PGR: variants seen among roughly 807,000 people sequenced by gnomAD.
PGR encodes the protein nuclear receptor subfamily 3 group C member 3.
Under a neutral mutation model 76.1 loss-of-function variants are expected in PGR, and 25 were observed. The ratio of observed to expected loss-of-function variants is 0.33; its 90% CI spans 0.24 to 0.46. The LOEUF is 0.46. Ranked by LOEUF, PGR falls within the 20% of genes least tolerant of loss-of-function variation. The pLI is 1.00. For synonymous variants in PGR, 579 were observed against 535.0 expected (o/e 1.08, Z -1.14); for missense variants, 1,172 against 1,225.3 (o/e 0.96, Z 0.65).
intron 3 of PGR, among the ~76,000 whole-genome samples, chr11:101,081,419 G>T (rs1861303723): frequency 6.7e-6 from 1 of 148,550 alleles, no homozygotes; most frequent in African/African-American, 2.5e-5. Context: ...ACACAGTAAG[G>T]CTCCATCTCA....
chr11:101,122,902 C>T (rs1428468403), intron 2 of PGR, among the ~76,000 whole-genome samples: 1 of 152,182 alleles, frequency 6.6e-6, no homozygotes, highest in African/African-American at 2.4e-5. Context: ...TTATATCACA[C>T]ACTTCTCATT....
intron 2 of PGR, among the ~76,000 whole-genome samples, chr11:101,104,915 A>C (rs11571166): frequency 0.015 from 2,317 of 152,314 alleles, 30 homozygotes; most frequent in Non-Finnish European, 0.025. Context: ...GGAATGTGTT[A>C]AGTGAGACAC....
intron 2 of PGR, among the ~76,000 whole-genome samples, chr11:101,105,543 G>A (rs1355216564): frequency 8.0e-5 from 12 of 149,122 alleles, no homozygotes; most frequent in Non-Finnish European, 1.8e-4. Context: ...CCTTTTCAAG[G>A]AGAACTACAA....
At chr11:101,090,428 G>A (rs952783763) in intron 3 of PGR, among the ~76,000 whole-genome samples, 2 of 152,338 alleles carry the variant, frequency 1.3e-5, no homozygotes, top group South Asian at 4.1e-4. Flanking sequence ...AGGCAAGCAT[G>A]CCAAGGAGAA....
chr11:101,047,404 ACT>A (rs1221609045), intron 6 of PGR, among the ~76,000 whole-genome samples: 2 of 151,842 alleles, frequency 1.3e-5, no homozygotes, highest in African/African-American at 2.4e-5. Context: ...ATTCCAGTTG[ACT>A]CTCTGGGCCG....
At position 101,036,408 on chromosome 11, in the gene PGR, C is replaced by A. The variant is rs1859517682; in HGVS notation, c.*2708G>T. ...CAAACCTTTTTACAGAAAATATTTT[C>A]ATTAACTCAAGAATCTATTTCAGTA... is the stretch of plus-strand genomic sequence containing the variant. On this transcript the variant is annotated 3_prime_UTR_variant, in exon 8 of 8. Coordinates refer to ENST00000325455, the MANE Select transcript of PGR (RefSeq NM_000926.4). 4.9e-6 allele frequency: 1 copy of A among 203,092 alleles called. No homozygotes were observed. Among genetic ancestry groups the A allele is most frequent in the Non-Finnish European group, 1.0e-5 (1 of 99,014 alleles). 12.6% of individuals were successfully genotyped at this position (203,092 alleles called of 1,614,324 possible).
chr11:101,089,842 G>T (rs1028201794), intron 3 of PGR, among the ~76,000 whole-genome samples: 1 of 151,696 alleles, frequency 6.6e-6, no homozygotes, highest in Non-Finnish European at 1.5e-5. Context: ...GGAAGCATAG[G>T]AATAACAGGC....
At chr11:101,117,615 T>TA (rs573963467) in intron 2 of PGR, among the ~76,000 whole-genome samples, 11 of 149,914 alleles carry the variant, frequency 7.3e-5, no homozygotes, top group South Asian at 4.2e-4. Context: ...TTTCTTCAAA[T>TA]AAAAAAAAAA....
intron 3 of PGR, among the ~76,000 whole-genome samples, chr11:101,081,533 A>G (rs1315356864): frequency 6.6e-6 from 1 of 152,206 alleles, no homozygotes; most frequent in Non-Finnish European, 1.5e-5. Context: ...TCACATAAAA[A>G]GGGAACTCTA....
chr11:101,057,326 A>T, intron 4 of PGR, among the ~76,000 whole-genome samples: 1 of 152,156 alleles, frequency 6.6e-6, no homozygotes, highest in East Asian at 1.9e-4. Context: ...TATGGGCAAG[A>T]GAAGAAGGCT....
At chr11:101,044,308 A>G (rs759444902) in intron 6 of PGR, among the ~76,000 whole-genome samples, 11 of 152,114 alleles carry the variant, frequency 7.2e-5, no homozygotes, top group Non-Finnish European at 1.2e-4. Context: ...GCTAGCTTCA[A>G]ACTTTTTTCT....
chr11:101,064,213 C>T (rs994299542), intron 3 of PGR, among the ~76,000 whole-genome samples: 2 of 151,120 alleles, frequency 1.3e-5, no homozygotes, highest in African/African-American at 4.9e-5. Context: ...CACCTGTAAT[C>T]CCAGTTACTC....
At chr11:101,095,496 G>A (rs1457603260) in intron 2 of PGR, among the ~76,000 whole-genome samples, 1 of 152,200 alleles carries the variant, frequency 6.6e-6, no homozygotes, top group African/African-American at 2.4e-5. Flanking sequence ...GCAACCTTTG[G>A]AGGTATTAAT....
At chr11:101,088,843 T>A (rs970972135) in intron 3 of PGR, among the ~76,000 whole-genome samples, 3 of 152,200 alleles carry the variant, frequency 2.0e-5, no homozygotes, top group Non-Finnish European at 2.9e-5. Context: ...CCATGGAATA[T>A]TATGCAGCCA....
At chr11:101,089,920 CG>C (rs1591404776) in intron 3 of PGR, among the ~76,000 whole-genome samples, 1 of 152,082 alleles carries the variant, frequency 6.6e-6, no homozygotes, top group African/African-American at 2.4e-5. Context: ...TGCTAAAGGC[CG>C]GGTGCAGTGG....
At chr11:101,053,906 C>T (rs766537968) in intron 4 of PGR, among the ~76,000 whole-genome samples, 3 of 152,080 alleles carry the variant, frequency 2.0e-5, no homozygotes, top group South Asian at 2.1e-4. Flanking sequence ...TACTTTCCCA[C>T]GGAGAAAGCT....
chr11:101,090,694 C>T (rs897008578), intron 3 of PGR, among the ~76,000 whole-genome samples: 1 of 152,210 alleles, frequency 6.6e-6, no homozygotes, highest in Non-Finnish European at 1.5e-5. Flanking sequence ...GCACTACTGT[C>T]AACCTAATCA....
Position 101,128,134 on chromosome 11 carries a change from G to C in PGR, c.937C>G (p.His313Asp). 1.3e-6 allele frequency: 2 copies of C among 1,598,474 alleles called. No homozygotes were observed. Among genetic ancestry groups the C allele is most frequent in the Non-Finnish European group, 1.7e-6 (2 of 1,179,742 alleles). The change falls in exon 1 of 8, where the codon CAC becomes GAC. Residue 313 changes from histidine (H) to aspartate (D), a missense_variant. Coordinates refer to ENST00000325455, the MANE Select transcript of PGR (RefSeq NM_000926.4). ...CGAGTGCGGGCTGCCAATAAGGCGTGATTGAGAGGCAGGATAGGCACGTGG... is the reference window on the plus strand; with the variant it reads ...CGAGTGCGGGCTGCCAATAAGGCGTCATTGAGAGGCAGGATAGGCACGTGG... ...FIHVPILPLN[H>D]ALLAARTRQL...
intron 7 of PGR, among the ~76,000 whole-genome samples, chr11:101,039,858 C>T (rs140880968): frequency 1.3e-5 from 2 of 152,124 alleles, no homozygotes; most frequent in African/African-American, 4.8e-5. Flanking sequence ...CTAGACACAA[C>T]TACCTTCAAC....
Sources: allele counts gnomAD v4.1 joint callset (sites outside exome capture counted in the v4.1 genomes callset), GRCh38; gene constraint gnomAD v4.1.1; transcripts MANE v1.5; gene names NCBI Gene and HGNC (gene_info 2026-07-23, HGNC 2026-07-21).